SCAMP5: variants seen among roughly 807,000 people sequenced by gnomAD.
The protein encoded by SCAMP5 is secretory carrier membrane protein 5.
Under a neutral mutation model 28.3 loss-of-function variants are expected in SCAMP5, and 7 were observed. The ratio of observed to expected loss-of-function variants is 0.25; its 90% confidence interval spans 0.14 to 0.46. SCAMP5 has a LOEUF of 0.46. Among genes scored for constraint, SCAMP5 ranks in the 20% least tolerant of loss-of-function variants. The probability of loss-of-function intolerance (pLI) is 0.99; values close to 1 mark genes in which losing one functional copy is unlikely to be tolerated. For synonymous variants in SCAMP5, 117 were observed against 116.4 expected, an observed-to-expected ratio of 1.00 and a Z score of -0.03; for missense variants, 192 against 312.5, an observed-to-expected ratio of 0.61 and a Z score of 2.91.
chr15:75,012,667 T>G lies in SCAMP5; in HGVS notation c.8-10T>G, dbSNP rs1176406150. 5 of 1,613,938 alleles carry G rather than the reference T, an allele frequency of 3.1e-6. No homozygotes were observed. Among genetic ancestry groups the G allele is most frequent in the Non-Finnish European group, 2.5e-6 (3 of 1,179,814 alleles). ...TGGAGGTGATGTTGTGCAATGTGTC[T>G]CATCCACAGAGAAAGTGAACAACTT... On this transcript the variant is annotated splice_polypyrimidine_tract_variant and intron_variant, in intron 2 of 6. Transcript: ENST00000425597.
chr15:75,006,041 G>T (rs113011258), intron 1 of SCAMP5, among the ~76,000 whole-genome samples: 6 of 104,834 alleles, frequency 5.7e-5, no homozygotes, highest in South Asian at 3.6e-4. Context: ...TCTGTCACCC[G>T]GGCTGGAGTA....
At chr15:75,017,725 A>T in intron 4 of SCAMP5, 145 bp from the exon 5 acceptor site, 1 of 682,650 alleles carries the variant, frequency 1.5e-6, no homozygotes, top group Non-Finnish European at 2.7e-6. Flanking sequence ...GTATGGGTAG[A>T]ACTAACCCCT....
Position 75,019,153 on chromosome 15 carries a change from G to C in SCAMP5, c.*170G>C. On this transcript the variant is annotated 3_prime_UTR_variant, in exon 7 of 7. Transcript: ENST00000425597. ...TATATATGTATATGTCTGTACCCCAGCCCCCACCTTTCAGATTCTGCTCTT... is the reference window on the plus strand; with the variant it reads ...TATATATGTATATGTCTGTACCCCACCCCCCACCTTTCAGATTCTGCTCTT... 2.4e-6 allele frequency: 1 copy of C among 419,600 alleles called. No individual in the cohort carries two copies. Among genetic ancestry groups the C allele is most frequent in the Non-Finnish European group, 4.1e-6 (1 of 242,452 alleles). The allele number at this position is 419,600 out of a possible 1,614,324, so 26.0% of individuals were successfully genotyped here.
chr15:75,001,767 T>G (rs1355400163), intron 1 of SCAMP5, among the ~76,000 whole-genome samples: 2 of 147,684 alleles, frequency 1.4e-5, no homozygotes, highest in East Asian at 4.1e-4. Flanking sequence ...CTACTCGGGA[T>G]GCTGAGGCAG....
Position 75,019,076 on chromosome 15 carries a change from C to T in SCAMP5, c.*93C>T. ...TTGTGGTTACCAAGCAGGGTTCCCC[C>T]TTCCCTTTTCTCCTTCCCTACTTTG... On this transcript the variant is annotated 3_prime_UTR_variant, in exon 7 of 7. Coordinates refer to ENST00000425597, the MANE Select transcript of SCAMP5 (RefSeq NM_138967.4). 1.3e-6 allele frequency: 1 copy of T among 777,550 alleles called. No homozygotes were observed. Among genetic ancestry groups the T allele is most frequent in the Non-Finnish European group, 2.0e-6 (1 of 496,000 alleles). 48.2% of individuals were successfully genotyped at this position (777,550 alleles called of 1,614,324 possible).
intron 1 of SCAMP5, among the ~76,000 whole-genome samples, chr15:75,005,364 G>T (rs1017070899): frequency 6.6e-6 from 1 of 152,022 alleles, no homozygotes; most frequent in East Asian, 1.9e-4. Flanking sequence ...CCAGGCTGAG[G>T]CAGGAGAATC....
chr15:75,016,033 A>G (rs17336944), intron 3 of SCAMP5, among the ~76,000 whole-genome samples: 15,339 of 151,904 alleles, frequency 0.1, 990 homozygotes, highest in Middle Eastern at 0.29. Context: ...GCTAGAAGAG[A>G]TGTTTCCACA....
rs200829398 is a variant in SCAMP5, at chr15:75,018,611, G to T, written c.513+76G>T. ...TCTGAAACAAGCCCTCCTCCAAGTT[G>T]CAAGAGGATCCCGAGGTCTTCCAAG... On this transcript the variant is annotated intron_variant, in intron 6 of 6. Transcript: ENST00000425597. This position sits in a 1 kb window ranked among gnomAD's most constrained non-coding sequence, Gnocchi z 5.6. The T allele has an allele frequency of 9.8e-5, 116 of 1,183,972 alleles. 1 individual carries two copies. Among genetic ancestry groups the T allele is most frequent in the Admixed American group, 3.4e-5 (2 of 59,276 alleles). 73.3% of individuals were successfully genotyped at this position (1,183,972 alleles called of 1,614,324 possible).
intron 1 of SCAMP5, among the ~76,000 whole-genome samples, chr15:75,011,189 G>C (rs1251972191): frequency 6.6e-6 from 1 of 151,524 alleles, no homozygotes; most frequent in Admixed American, 6.6e-5. Flanking sequence ...CTGGGCAACA[G>C]AGAGAGACCC....
intron 1 of SCAMP5, among the ~76,000 whole-genome samples, chr15:75,001,995 AC>A (rs1384412296): frequency 1.3e-5 from 2 of 151,840 alleles, no homozygotes; most frequent in Non-Finnish European, 2.9e-5. Context: ...AGTCCCAGCT[AC>A]TTGGGTGGCT....
At chr15:75,008,442 T>C (rs1015417920) in intron 1 of SCAMP5, among the ~76,000 whole-genome samples, 5 of 152,000 alleles carry the variant, frequency 3.3e-5, no homozygotes, top group African/African-American at 1.2e-4. Context: ...TGCTTTTTTT[T>C]TTTTACTTAA....
chr15:75,015,135 C>T (rs565753207), intron 3 of SCAMP5, among the ~76,000 whole-genome samples: 2 of 152,016 alleles, frequency 1.3e-5, no homozygotes, highest in South Asian at 4.2e-4. Flanking sequence ...ACTAGGCACC[C>T]GCAGGTGCTT....
At chr15:75,013,254 A>G (rs2065828540) in intron 3 of SCAMP5, 1 of 159,450 alleles carries the variant, frequency 6.3e-6, no homozygotes, top group Admixed American at 6.2e-5. Context: ...GCTCAAAGAG[A>G]GGAGGATTCA....
intron 1 of SCAMP5, among the ~76,000 whole-genome samples, chr15:75,000,134 T>G (rs1450799296): frequency 6.6e-6 from 1 of 152,188 alleles, no homozygotes; most frequent in Non-Finnish European, 1.5e-5. Flanking sequence ...TTCTACTTTA[T>G]GCACTTAGAT....
chr15:75,018,304 T>C lies in SCAMP5; in HGVS notation c.396-114T>C. ...TTGGGTATCAGTAAGATGGTCCCTC[T>C]GCATCCAGTGATATGTTTCCTCCCT... On this transcript the variant is annotated intron_variant, in intron 5 of 6. Coordinates refer to ENST00000425597, the MANE Select transcript of SCAMP5 (RefSeq NM_138967.4). This position sits in a 1 kb window ranked among gnomAD's most constrained non-coding sequence, Gnocchi z 5.6. 1.3e-6 allele frequency: 1 copy of C among 766,404 alleles called. No individual in the cohort carries two copies. The highest frequency in any genetic ancestry group is 1.7e-5 in the African/African-American group (1 of 58,938). The allele number at this position is 766,404 out of a possible 1,614,324, so 47.5% of individuals were successfully genotyped here.
chr15:75,015,311 G>C (rs146746085), intron 3 of SCAMP5, among the ~76,000 whole-genome samples: 38 of 152,280 alleles, frequency 2.5e-4, no homozygotes, highest in African/African-American at 8.2e-4. Flanking sequence ...GGAGTGCCCT[G>C]ATGTTAGATA....
chr15:75,002,639 A>G (rs1279848981), intron 1 of SCAMP5, among the ~76,000 whole-genome samples: 4 of 150,864 alleles, frequency 2.7e-5, no homozygotes, highest in South Asian at 2.1e-4. Flanking sequence ...CATTTGTCCA[A>G]TCTCTGCCCC....
At chr15:75,005,326 G>A (rs1026204597) in intron 1 of SCAMP5, among the ~76,000 whole-genome samples, 1 of 152,102 alleles carries the variant, frequency 6.6e-6, no homozygotes, top group Non-Finnish European at 1.5e-5. Context: ...GCTGGGCGTG[G>A]TGGTGCATGC....
At chr15:74,997,468 T>G (rs895616437) in intron 1 of SCAMP5, among the ~76,000 whole-genome samples, 1 of 151,488 alleles carries the variant, frequency 6.6e-6, no homozygotes, top group African/African-American at 2.4e-5. Flanking sequence ...CAGGAGGGAG[T>G]GAGGAGATTA....
Sources: gnomAD v4.1 joint callset for allele counts (sites outside exome capture counted in the v4.1 genomes callset) on GRCh38, gnomAD v4.1.1 for gene constraint, Gnocchi (gnomAD v3.1) non-coding constraint, MANE v1.5 for transcripts, NCBI Gene and HGNC (gene_info 2026-07-23, HGNC 2026-07-21) for gene names.